SMCHD1: variants seen among roughly 807,000 people sequenced by gnomAD.
SMCHD1 encodes the protein structural maintenance of chromosomes flexible hinge domain-containing protein 1.
In SMCHD1, 78 loss-of-function variants were observed where a neutral mutation model predicts 254.7. The observed-to-expected ratio is 0.31, with a 90% CI of 0.26 to 0.37. SMCHD1 has a LOEUF of 0.37. Among genes scored for constraint, SMCHD1 ranks in the 10% least tolerant of loss-of-function variants. The probability of loss-of-function intolerance (pLI) is 1.00; values close to 1 mark genes in which losing one functional copy is unlikely to be tolerated. For synonymous variants in SMCHD1, 766 were observed against 794.9 expected (o/e 0.96, Z 0.61); for missense variants, 1,840 against 2,408.1 (o/e 0.76, Z 4.94).
At chr18:2,798,045 A>G (rs1423673668) in intron 47 of SMCHD1, among the ~76,000 whole-genome samples, 1 of 152,228 alleles carries the variant, frequency 6.6e-6, no homozygotes, top group Non-Finnish European at 1.5e-5. Flanking sequence ...AACCAGCCAT[A>G]TAGGGATTGG....
intron 44 of SMCHD1, among the ~76,000 whole-genome samples, chr18:2,779,488 G>A (rs1345599366): frequency 6.6e-6 from 1 of 152,172 alleles, no homozygotes; most frequent in Non-Finnish European, 1.5e-5. Context: ...CTTAACAAAG[G>A]AACATCCTTG....
At position 2,658,698 on chromosome 18, in the gene SMCHD1, G is replaced by A. The variant is rs567445018; in HGVS notation, c.186+2437G>A. Among the ~76,000 whole-genome samples the A allele has an allele frequency of 2.4e-4, 36 of 152,064 alleles. No individual in the cohort carries two copies. In the South Asian group the frequency reaches 6.9e-3, roughly 29 times the overall value. Reference sequence around the variant, plus strand: ...GATCCCATAACTTTGTCTCCATTACGTACTCGAAGAACTGAATTAAGTCAG... The same window carrying A: ...GATCCCATAACTTTGTCTCCATTACATACTCGAAGAACTGAATTAAGTCAG... On this transcript the variant is annotated intron_variant, in intron 1 of 47. Transcript: ENST00000320876.
intron 45 of SMCHD1, chr18:2,785,080 A>G (rs1398746031): frequency 7.2e-6 from 2 of 277,818 alleles, no homozygotes; most frequent in South Asian, 3.1e-5. Flanking sequence ...AGTGTATGAC[A>G]TGTGATCTCC....
chr18:2,737,957 A>T (rs1290897374), intron 25 of SMCHD1, among the ~76,000 whole-genome samples: 1 of 152,238 alleles, frequency 6.6e-6, no homozygotes, highest in Non-Finnish European at 1.5e-5. Context: ...GTATGGCCAG[A>T]AAGTTAGATC....
rs531133697 is a variant in SMCHD1, at chr18:2,680,641, G to A, written c.638+6496G>A. On this transcript the variant is annotated intron_variant, in intron 5 of 47. Coordinates refer to ENST00000320876, the MANE Select transcript of SMCHD1 (RefSeq NM_015295.3). ...CTTCTCAATTCTTTCTTGAACATGT[G>A]TTTAGTTCTGCACGTGGAAATGACC... Among the ~76,000 whole-genome samples the A allele has an allele frequency of 3.7e-4, 56 of 152,288 alleles. 1 individual carries two copies. In the Middle Eastern group the frequency reaches 0.014, roughly 37 times the overall value.
In SMCHD1 at chr18:2,804,846, A is replaced by T. The variant is rs1193353902; in HGVS notation, c.*2294A>T. 1 of 152,346 alleles carries T rather than the reference A, an allele frequency of 6.6e-6. No individual in the cohort carries two copies. Among genetic ancestry groups the T allele is most frequent in the East Asian group, 1.9e-4 (1 of 5,194 alleles). 9.4% of individuals were successfully genotyped at this position (152,346 alleles called of 1,614,324 possible). A position where few individuals can be genotyped will look rare whatever the true frequency, so the allele number is the denominator to read the frequency against. On this transcript the variant is annotated 3_prime_UTR_variant, in exon 48 of 48. Coordinates refer to ENST00000320876, the MANE Select transcript of SMCHD1 (RefSeq NM_015295.3). ...ATAAAGGAATGTAACTGGAGAAAAA[A>T]ATTAATGCTACAGCCATTTATCCTG...
At chr18:2,786,741 C>T (rs1352794320) in intron 45 of SMCHD1, among the ~76,000 whole-genome samples, 1 of 152,062 alleles carries the variant, frequency 6.6e-6, no homozygotes, top group African/African-American at 2.4e-5. Context: ...CTTTTTGGCT[C>T]CTCCACTCCC....
At chr18:2,755,565 C>CTTTTTTTTTTTT (rs11413061) in intron 34 of SMCHD1, among the ~76,000 whole-genome samples, 2 of 108,166 alleles carry the variant, frequency 1.8e-5, no homozygotes, top group African/African-American at 3.8e-5. Context: ...TTCTTTCTTT[C>CTTTTTTTTTTTT]TTTTTTTTTT....
At chr18:2,745,092 C>G (rs2075425955) in intron 29 of SMCHD1, among the ~76,000 whole-genome samples, 1 of 152,252 alleles carries the variant, frequency 6.6e-6, no homozygotes, top group Non-Finnish European at 1.5e-5. Flanking sequence ...ATATGTCCGC[C>G]TTGGCCTCCC....
In SMCHD1 at chr18:2,674,132, G is replaced by C; in HGVS notation, c.625G>C (p.Gly209Arg). The C allele has an allele frequency of 6.3e-7, 1 of 1,590,950 alleles. No individual in the cohort carries two copies. Among genetic ancestry groups the C allele is most frequent in the Non-Finnish European group, 8.5e-7 (1 of 1,170,920 alleles). The change falls in exon 5 of 48, where the codon GGT (glycine) becomes CGT (arginine). Residue 209 changes from glycine (G) to arginine (R), a missense_variant. Gly to Arg is a moderately radical substitution (Grantham distance 125). Coordinates refer to ENST00000320876, the MANE Select transcript of SMCHD1 (RefSeq NM_015295.3). ...VYRLSKFTRQGDFESDHSGYV... is the reference protein window; with the variant it reads ...VYRLSKFTRQRDFESDHSGYV... ...TAGGTTGTCAAAATTCACAAGGCAA[G>C]GTGACTTTGAAAGGTTAGAAAACCT...
chr18:2,758,077 C>G (rs929577620), intron 34 of SMCHD1, among the ~76,000 whole-genome samples: 1 of 151,914 alleles, frequency 6.6e-6, no homozygotes, highest in African/African-American at 2.4e-5. Context: ...TAGATATATT[C>G]TTTTAAGTGT....
intron 45 of SMCHD1, among the ~76,000 whole-genome samples, chr18:2,789,577 C>A (rs1568394548): frequency 6.6e-6 from 1 of 152,274 alleles, no homozygotes; most frequent in East Asian, 1.9e-4. Context: ...TTTCAGCTTA[C>A]ATTTTTCAAC....
intron 29 of SMCHD1, 50 bp downstream of exon 29, chr18:2,743,978 T>C (rs1449556693): frequency 4.2e-6 from 6 of 1,419,488 alleles, no homozygotes; most frequent in Non-Finnish European, 5.7e-6. Flanking sequence ...ATATGGCTTA[T>C]TACTTTCAGA....
intron 23 of SMCHD1, among the ~76,000 whole-genome samples, chr18:2,729,007 G>A (rs1009215645): frequency 1.4e-5 from 2 of 148,066 alleles, no homozygotes; most frequent in Non-Finnish European, 3.0e-5. Flanking sequence ...ACCGCAGAAA[G>A]AAAAAGAAAA....
chr18:2,655,796 C>T lies in SMCHD1; in HGVS notation c.-280C>T. 1 of 292,000 alleles carries T rather than the reference C, an allele frequency of 3.4e-6. No homozygotes were observed. The highest frequency in any genetic ancestry group is 6.3e-6 in the Non-Finnish European group (1 of 158,336). The allele number at this position is 292,000 out of a possible 1,614,324, so 18.1% of individuals were successfully genotyped here. A position where few individuals can be genotyped will look rare whatever the true frequency, so the allele number is the denominator to read the frequency against. ...GCGTGGGCGGCGATAGGCGCTGGGC[C>T]CGGGCCCGGTGAGGAGCGCGCCGCG... On this transcript the variant is annotated 5_prime_UTR_variant, in exon 1 of 48. Transcript: ENST00000320876.
intron 42 of SMCHD1, among the ~76,000 whole-genome samples, chr18:2,777,210 A>G (rs35427516): frequency 0.29 from 44,403 of 152,084 alleles, 6,723 homozygotes; most frequent in East Asian, 0.51. Flanking sequence ...TTTGTTCTAG[A>G]AACGAGTTAT....
intron 37 of SMCHD1, among the ~76,000 whole-genome samples, chr18:2,769,198 T>C (rs573347648): frequency 1.3e-5 from 2 of 152,270 alleles, no homozygotes; most frequent in South Asian, 2.1e-4. Context: ...AAAAAATCTT[T>C]AGAGCTTTTC....
At chr18:2,674,237 TGGAG>T (rs1261251475) in intron 5 of SMCHD1, 92 bp downstream of exon 5, 1 of 1,053,926 alleles carries the variant, frequency 9.5e-7, no homozygotes, top group African/African-American at 1.6e-5. Flanking sequence ...TATGATACAT[TGGAG>T]GTTTTACTGT....
chr18:2,797,643 A>G (rs2076285656), intron 47 of SMCHD1, among the ~76,000 whole-genome samples: 1 of 152,252 alleles, frequency 6.6e-6, no homozygotes, highest in Admixed American at 6.5e-5. Flanking sequence ...TTCTATTTGT[A>G]AGGAATTACA....
Sources: allele counts gnomAD v4.1 joint callset (sites outside exome capture counted in the v4.1 genomes callset), GRCh38; gene constraint gnomAD v4.1.1; transcripts MANE v1.5; gene names NCBI Gene and HGNC (gene_info 2026-07-23, HGNC 2026-07-21).